RUVBL2: variants seen among roughly 807,000 people sequenced by gnomAD.
RUVBL2 encodes the protein ruvB-like 2.
In RUVBL2, 9 loss-of-function variants were observed where a neutral mutation model predicts 57.9. The ratio of observed to expected loss-of-function variants is 0.16; its 90% CI spans 0.09 to 0.27. The LOEUF is 0.27. Ranked by LOEUF, RUVBL2 falls within the 10% of genes least tolerant of loss-of-function variation. RUVBL2 has a pLI of 1.00. For missense variants in RUVBL2, 456 were observed against 669.6 expected (o/e 0.68, Z 3.52); for synonymous variants, 278 against 264.6 (o/e 1.05, Z -0.49).
Position 49,011,262 on chromosome 19 carries a change from G to C in RUVBL2, c.953G>C (p.Ser318Thr). ...TCCTTCCTCAACCGGGCCCTGGAGA[G>C]TGACATGGCGCCTGTCCTGATCATG... ...SFSFLNRALE[S>T]DMAPVLIMAT... Residue 318 changes from serine to threonine, a missense_variant, in exon 11 of 15, where the codon AGT becomes ACT. This residue lies in a region of RUVBL2 where 130 missense variants were observed against 243.0 expected (regional missense o/e 0.53). Transcript: ENST00000595090. The surrounding 1 kb of genome is among the most constrained non-coding windows in gnomAD (Gnocchi z 4.4). The C allele has an allele frequency of 6.2e-7, 1 of 1,613,958 alleles. No individual in the cohort carries two copies.
intron 2 of RUVBL2, among the ~76,000 whole-genome samples, chr19:49,002,070 A>C (rs921540412): frequency 6.0e-5 from 9 of 149,760 alleles, no homozygotes; most frequent in African/African-American, 2.2e-4. Context: ...TTTTTTTGAG[A>C]TGGAGTCTCA....
intron 2 of RUVBL2, among the ~76,000 whole-genome samples, chr19:49,001,003 A>C (rs7252920): frequency 0.57 from 86,888 of 151,442 alleles, 26,672 homozygotes; most frequent in African/African-American, 0.81. Flanking sequence ...AAAAAAAAAT[A>C]AAAAAATTAG....
chr19:49,010,528 G>T lies in RUVBL2; in HGVS notation c.704G>T (p.Arg235Leu), dbSNP rs757826960. The change falls in exon 9 of 15, where the codon CGC becomes CTC. Residue 235 changes from arginine to leucine, a missense_variant. This residue lies in a region of RUVBL2 where 233 missense variants were observed against 306.0 expected (regional missense o/e 0.76). Coordinates refer to ENST00000595090, the MANE Select transcript of RUVBL2 (RefSeq NM_006666.3). ...VQCPDGELQK[R>L]KEVVHTVSLH... ...TGCCCAGATGGGGAGCTCCAGAAACGCAAGGAGGTGGTGCACACCGTGTCC... is the reference window on the plus strand; with the variant it reads ...TGCCCAGATGGGGAGCTCCAGAAACTCAAGGAGGTGGTGCACACCGTGTCC... 7.2e-7 allele frequency: 1 copy of T among 1,392,078 alleles called. No homozygotes were observed. The allele number at this position is 1,392,078 out of a possible 1,614,324, so 86.2% of individuals were successfully genotyped here. A position where few individuals can be genotyped will look rare whatever the true frequency, so the allele number is the denominator to read the frequency against.
chr19:48,999,997 G>A (rs1376868773), intron 2 of RUVBL2, among the ~76,000 whole-genome samples: 7 of 152,168 alleles, frequency 4.6e-5, no homozygotes, highest in Admixed American at 4.6e-4. Flanking sequence ...TCATGCAGCA[G>A]GCTCACTGAT....
intron 6 of RUVBL2, among the ~76,000 whole-genome samples, chr19:49,009,160 C>CAAAAAAAA (rs61402282): frequency 4.7e-5 from 1 of 21,426 alleles, no homozygotes; most frequent in Non-Finnish European, 7.6e-5. Flanking sequence ...GACTCTATCT[C>CAAAAAAAA]AAAAAAAAAA....
chr19:49,004,115 CAA>C (rs74182026), intron 3 of RUVBL2, 160 bp from the exon 4 acceptor site: 19,332 of 272,828 alleles, frequency 0.071, 1 homozygote, highest in East Asian at 0.11. Context: ...GATCTTGTCT[CAA>C]AAAAAAAAAA....
intron 1 of RUVBL2, among the ~76,000 whole-genome samples, chr19:48,996,667 A>G (rs1192847620): frequency 1.3e-5 from 2 of 152,134 alleles, no homozygotes; most frequent in African/African-American, 4.8e-5. Context: ...CTGGGATTAC[A>G]GGCACCTGCC....
intron 1 of RUVBL2, chr19:48,994,351 C>T (rs2122560255): frequency 4.8e-6 from 1 of 208,888 alleles, no homozygotes; most frequent in Middle Eastern, 2.0e-3. Context: ...GGTACCTGTT[C>T]AGTGTGTCTG....
At chr19:49,010,467 T>TCGCC in intron 8 of RUVBL2, 21 bp from the exon 9 acceptor site, 19 of 1,401,194 alleles carry the variant, frequency 1.4e-5, no homozygotes, top group Non-Finnish European at 1.9e-5. Context: ...CCGCCGTTCT[T>TCGCC]CCCCCACCCC....
intron 11 of RUVBL2, 62 bp from the exon 12 acceptor site, chr19:49,014,422 C>A: frequency 6.4e-7 from 1 of 1,574,296 alleles, no homozygotes; most frequent in South Asian, 1.2e-5. Flanking sequence ...AGAGTGTTCC[C>A]AGCAAAGGGA....
chr19:48,994,062 A>G (rs2039002251), intron 1 of RUVBL2, 139 bp downstream of exon 1: 2 of 605,316 alleles, frequency 3.3e-6, no homozygotes, highest in South Asian at 1.9e-5. Flanking sequence ...AAGAGGAGGA[A>G]GCTCGGCCAC....
In RUVBL2 at chr19:48,999,350, A is replaced by G; in HGVS notation, c.44A>G (p.Asp15Gly). The G allele has an allele frequency of 6.2e-7, 1 of 1,614,210 alleles. No individual in the cohort carries two copies. Among genetic ancestry groups the G allele is most frequent in the Non-Finnish European group, 8.5e-7 (1 of 1,180,022 alleles). The part of the protein sequence containing the change: ...TATTKVPEIR[D>G]VTRIERIGAH... ...ACAACCAAAGTCCCGGAGATCCGTGATGTAACAAGGATTGAGCGAATCGGT... is the reference window on the plus strand; with the variant it reads ...ACAACCAAAGTCCCGGAGATCCGTGGTGTAACAAGGATTGAGCGAATCGGT... The change falls in exon 2 of 15, where the codon GAT becomes GGT. Residue 15 changes from aspartate to glycine, a missense_variant. Transcript: ENST00000595090.
At chr19:49,006,919 C>G in intron 4 of RUVBL2, 99 bp from the exon 5 acceptor site, 1 of 1,509,478 alleles carries the variant, frequency 6.6e-7, no homozygotes, top group Non-Finnish European at 9.0e-7. Context: ...GCACTGAACC[C>G]TCTTTCCTGG....
intron 1 of RUVBL2, among the ~76,000 whole-genome samples, chr19:48,998,112 T>C (rs2039099673): frequency 6.6e-6 from 1 of 152,186 alleles, no homozygotes; most frequent in South Asian, 2.1e-4. Flanking sequence ...GAGATCGGGC[T>C]CCCAGGGAGG....
At position 49,010,547 on chromosome 19, in the gene RUVBL2, C is replaced by G; in HGVS notation, c.723C>G (p.Thr241=). 1 of 1,612,254 alleles carries G rather than the reference C, an allele frequency of 6.2e-7. No homozygotes were observed. The highest frequency in any genetic ancestry group is 1.1e-5 in the South Asian group (1 of 91,032). The stretch of plus-strand genomic sequence containing the variant: ...AGAAACGCAAGGAGGTGGTGCACAC[C>G]GTGTCCCTGCACGAGATCGACGTCA... ...ELQKRKEVVH[T]VSLHEIDVIN... Residue 241 remains threonine (T), a synonymous_variant, in exon 9 of 15, where the codon ACC becomes ACG. Coordinates refer to ENST00000595090, the MANE Select transcript of RUVBL2 (RefSeq NM_006666.3).
At chr19:49,015,218 C>T in intron 13 of RUVBL2, 68 bp downstream of exon 13, 1 of 1,567,706 alleles carries the variant, frequency 6.4e-7, no homozygotes, top group Non-Finnish European at 8.6e-7. Context: ...TCAGGGGCTT[C>T]CAGGGTTCCG....
In RUVBL2 at chr19:49,009,778, C is replaced by A; in HGVS notation, c.465C>A (p.Gly155=). Residue 155 remains glycine, a splice_region_variant and synonymous_variant, in exon 7 of 15, where the codon GGC becomes GGA. Coordinates refer to ENST00000595090, the MANE Select transcript of RUVBL2 (RefSeq NM_006666.3). ...CCCTGGCTTGTCCCCACTCTCAGGG[C>A]TCCAAGGTGGGCAAACTGACCCTCA... ...IQIDRPATGT[G]SKVGKLTLKT... is the part of the protein sequence containing the mutation. 2 of 1,613,882 alleles carry A rather than the reference C, an allele frequency of 1.2e-6. No individual in the cohort carries two copies. The highest frequency in any genetic ancestry group is 1.7e-6 in the Non-Finnish European group (2 of 1,179,876).
chr19:49,013,533 C>A (rs2039478262), intron 11 of RUVBL2, among the ~76,000 whole-genome samples: 1 of 152,138 alleles, frequency 6.6e-6, no homozygotes, highest in African/African-American at 2.4e-5. Context: ...AGACGCTTCG[C>A]TGAGCCCAAG....
intron 4 of RUVBL2, among the ~76,000 whole-genome samples, chr19:49,005,631 C>T (rs1299805282): frequency 2.0e-5 from 3 of 150,584 alleles, no homozygotes; most frequent in Non-Finnish European, 4.4e-5. Context: ...TGCTTTCCTA[C>T]TCTTCTTCAT....
Sources: gnomAD v4.1 joint callset for allele counts (sites outside exome capture counted in the v4.1 genomes callset) on GRCh38, gnomAD v4.1.1 for gene constraint, gnomAD v4.1.1 regional missense constraint, Gnocchi (gnomAD v3.1) non-coding constraint, MANE v1.5 for transcripts, NCBI Gene and HGNC (gene_info 2026-07-23, HGNC 2026-07-21) for gene names.